GPHN: variants seen among roughly 807,000 people sequenced by gnomAD.
The protein encoded by GPHN is gephyrin.
GPHN carries 17 observed loss-of-function variants against 95.5 expected under a neutral mutation model. The ratio of observed to expected loss-of-function variants is 0.18; its 90% CI spans 0.12 to 0.27. The LOEUF (loss-of-function observed/expected upper bound fraction) is 0.27, where lower values mean the gene tolerates loss of function less well. Ranked by LOEUF, GPHN falls within the 10% of genes least tolerant of loss-of-function variation. The pLI is 1.00. For synonymous variants in GPHN, 320 were observed against 322.5 expected (o/e 0.99, Z 0.08); for missense variants, 660 against 978.1 (o/e 0.67, Z 4.34).
At chr14:67,131,572 T>A (rs946855589) in intron 17 of GPHN, among the ~76,000 whole-genome samples, 2 of 152,150 alleles carry the variant, frequency 1.3e-5, no homozygotes, top group Non-Finnish European at 2.9e-5. Flanking sequence ...AGAGTTGCAT[T>A]CCTGAGACAC....
intron 3 of GPHN, among the ~76,000 whole-genome samples, chr14:66,795,795 G>A (rs569807992): frequency 6.6e-6 from 1 of 151,804 alleles, no homozygotes; most frequent in African/African-American, 2.4e-5. Context: ...ATGGAAATGG[G>A]GTATCAATCC....
chr14:67,045,595 CTCTCTG>C (rs1388146598), intron 10 of GPHN, among the ~76,000 whole-genome samples: 3 of 151,190 alleles, frequency 2.0e-5, no homozygotes, highest in Non-Finnish European at 4.4e-5. Flanking sequence ...GTCTGTCTGT[CTCTCTG>C]TCTCTGTCTG....
At chr14:67,330,957 C>T in the GPHN span, among the ~76,000 whole-genome samples, 5 of 152,216 alleles carry the variant, frequency 3.3e-5, no homozygotes, top group African/African-American at 9.6e-5. Context: ...TCTGTGCACA[C>T]CTGTTAGGAT....
chr14:67,213,100 T>G, the GPHN span, among the ~76,000 whole-genome samples: 16 of 151,334 alleles, frequency 1.1e-4, no homozygotes, highest in Non-Finnish European at 1.5e-5. Context: ...GTGGTGTTTT[T>G]TTTTTTTTTT....
the GPHN span, among the ~76,000 whole-genome samples, chr14:67,667,116 G>T: frequency 1.3e-5 from 2 of 152,154 alleles, no homozygotes; most frequent in African/African-American, 4.8e-5. Flanking sequence ...TCTCCTTTGG[G>T]AAACTGGGTG....
chr14:67,376,286 C>T, the GPHN span, among the ~76,000 whole-genome samples: 6 of 152,200 alleles, frequency 3.9e-5, no homozygotes, highest in Admixed American at 2.6e-4. Context: ...ACTATCTCTA[C>T]TTTTTATACC....
the GPHN span, chr14:67,705,842 A>G: frequency 6.6e-6 from 1 of 152,224 alleles, no homozygotes; most frequent in Non-Finnish European, 1.5e-5. Context: ...TTCCCTAGGG[A>G]AAATGATATT....
intron 1 of GPHN, among the ~76,000 whole-genome samples, chr14:66,539,992 T>A (rs2059295720): frequency 1.3e-5 from 2 of 152,204 alleles, no homozygotes; most frequent in Admixed American, 1.3e-4. Flanking sequence ...AACAGCAAAA[T>A]CTATTTGTTT....
At chr14:66,633,837 T>A (rs2063955977) in intron 1 of GPHN, among the ~76,000 whole-genome samples, 2 of 152,166 alleles carry the variant, frequency 1.3e-5, no homozygotes, top group South Asian at 4.1e-4. Flanking sequence ...TTACTAATGA[T>A]GTTTAAAGAT....
intron 1 of GPHN, among the ~76,000 whole-genome samples, chr14:66,667,447 A>C (rs2066031529): frequency 6.6e-6 from 1 of 152,218 alleles, no homozygotes; most frequent in African/African-American, 2.4e-5. Flanking sequence ...TAGTGGTACA[A>C]GAATAGACAC....
At chr14:67,070,715 A>AAAAAAAATATATATATAT in intron 11 of GPHN, among the ~76,000 whole-genome samples, 1 of 80,700 alleles carries the variant, frequency 1.2e-5, no homozygotes, top group African/African-American at 1.3e-4. Context: ...AAAAAAAAAA[A>AAAAAAAATATATATATAT]ATATATATAT....
the GPHN span, among the ~76,000 whole-genome samples, chr14:67,302,877 C>G: frequency 1.3e-5 from 2 of 152,136 alleles, no homozygotes; most frequent in Non-Finnish European, 2.9e-5. Context: ...ACTTGGGAAA[C>G]AGTAACAAAA....
chr14:67,320,596 G>A, the GPHN span, among the ~76,000 whole-genome samples: 2 of 152,280 alleles, frequency 1.3e-5, no homozygotes, highest in East Asian at 1.9e-4. Context: ...CTTCAAGTAT[G>A]TACTGATTAT....
the GPHN span, among the ~76,000 whole-genome samples, chr14:67,668,661 G>GGA: frequency 1.3e-5 from 2 of 151,998 alleles, no homozygotes; most frequent in Non-Finnish European, 2.9e-5. Flanking sequence ...GAAACACAGT[G>GGA]AAAAAAAGAC....
intron 8 of GPHN, among the ~76,000 whole-genome samples, chr14:66,954,251 G>A (rs1019921240): frequency 2.0e-5 from 3 of 152,120 alleles, no homozygotes; most frequent in African/African-American, 7.2e-5. Flanking sequence ...ACAATATTAA[G>A]TATTGCATTC....
chr14:66,734,633 T>C (rs2072091587), intron 2 of GPHN, among the ~76,000 whole-genome samples: 1 of 152,226 alleles, frequency 6.6e-6, no homozygotes. Context: ...TTGTTGGCAC[T>C]TAGGTGCTCA....
the GPHN span, among the ~76,000 whole-genome samples, chr14:67,688,611 T>G: frequency 6.6e-6 from 1 of 151,680 alleles, no homozygotes; most frequent in African/African-American, 2.4e-5. Flanking sequence ...TTTTTTTTTT[T>G]TTTGGTAGAG....
the GPHN span, among the ~76,000 whole-genome samples, chr14:67,563,128 C>G: frequency 5.3e-5 from 8 of 152,204 alleles, no homozygotes; most frequent in Non-Finnish European, 8.8e-5. Flanking sequence ...CACCGTGCAC[C>G]ATACATTGAG....
chr14:66,577,057 G>A (rs967652496), intron 1 of GPHN, among the ~76,000 whole-genome samples: 2 of 152,116 alleles, frequency 1.3e-5, no homozygotes, highest in African/African-American at 4.8e-5. Context: ...CAGCGCATCT[G>A]TAATTTTCAT....
Sources: allele counts gnomAD v4.1 joint callset (sites outside exome capture counted in the v4.1 genomes callset), GRCh38; gene constraint gnomAD v4.1.1; transcripts MANE v1.5; gene names NCBI Gene and HGNC (gene_info 2026-07-23, HGNC 2026-07-21).